Variants in ZFHX3 observed in about 807,000 individuals in gnomAD.
ZFHX3 encodes zinc finger homeobox 3.
ZFHX3 carries 42 observed loss-of-function variants against 279.1 expected under a neutral mutation model. The ratio of observed to expected loss-of-function variants is 0.15; its 90% CI spans 0.12 to 0.19. The LOEUF is 0.19. ZFHX3 is among the 10% of genes least tolerant of loss of function. ZFHX3 has a pLI of 1.00. For missense variants in ZFHX3, 4,981 were observed against 4,754.0 expected, an observed-to-expected ratio of 1.05 and a Z score of -1.40; for synonymous variants, 2,293 against 1,957.8, an observed-to-expected ratio of 1.17 and a Z score of -4.52.
chr16:73,187,342 A>ATT lies in ZFHX3; in HGVS notation c.-1103-43513_-1103-43512dup, dbSNP rs11437976. 3.4e-3 allele frequency among the ~76,000 whole-genome samples: 495 copies of ATT among 147,692 alleles called. 1 individual carries two copies. Among genetic ancestry groups the ATT allele is most frequent in the African/African-American group, 0.011 (426 of 40,248 alleles). On this transcript the variant is annotated intron_variant, in intron 5 of 17. Coordinates refer to the ZFHX3 transcript ENST00000641206. ...ATCTTTTCTCAGATAGTAAAGAGGG[A>ATT]TTTTTTTTTTTTTAAATTGGGCTGA...
chr16:73,819,080 G>A (rs1385393353), intron 1 of ZFHX3, among the ~76,000 whole-genome samples: 1 of 152,064 alleles, frequency 6.6e-6, no homozygotes, highest in African/African-American at 2.4e-5. Flanking sequence ...GGGGCACTGA[G>A]GTCAATGGTA....
At chr16:73,715,954 T>G (rs2053410443) in intron 1 of ZFHX3, among the ~76,000 whole-genome samples, 1 of 152,120 alleles carries the variant, frequency 6.6e-6, no homozygotes, top group African/African-American at 2.4e-5. Flanking sequence ...ACATCTTAAT[T>G]TTTTAAACAA....
At chr16:73,392,006 C>T (rs923129761) in intron 3 of ZFHX3, among the ~76,000 whole-genome samples, 2 of 152,082 alleles carry the variant, frequency 1.3e-5, no homozygotes, top group African/African-American at 2.4e-5. Context: ...ATGACAATAT[C>T]ACGATATTGG....
chr16:73,565,104 C>T (rs1355914742), intron 2 of ZFHX3, among the ~76,000 whole-genome samples: 7 of 152,024 alleles, frequency 4.6e-5, no homozygotes, highest in South Asian at 2.1e-4. Flanking sequence ...AATACAAACA[C>T]GTAGCTGGAT....
At chr16:72,994,703 G>A (rs376155217) in intron 1 of ZFHX3, among the ~76,000 whole-genome samples, 45 of 152,348 alleles carry the variant, frequency 3.0e-4, no homozygotes, top group African/African-American at 9.6e-4. Flanking sequence ...CCTAACACTT[G>A]TTTGTTGTAG....
At chr16:73,143,187 G>A (rs1222067183) in intron 6 of ZFHX3, among the ~76,000 whole-genome samples, 1 of 151,952 alleles carries the variant, frequency 6.6e-6, no homozygotes, top group African/African-American at 2.4e-5. Context: ...CTGGTTGGAC[G>A]GATCCCTTGA....
intron 3 of ZFHX3, among the ~76,000 whole-genome samples, chr16:73,438,967 G>A (rs977477304): frequency 2.0e-5 from 3 of 152,194 alleles, no homozygotes; most frequent in Non-Finnish European, 4.4e-5. Context: ...TGCACTGAGA[G>A]TGCAAACCTG....
intron 2 of ZFHX3, among the ~76,000 whole-genome samples, chr16:73,576,841 AAT>A (rs2051805263): frequency 1.3e-5 from 2 of 152,174 alleles, no homozygotes; most frequent in South Asian, 4.1e-4. Context: ...CCTAGTATCC[AAT>A]AGTTAGTTTT....
chr16:73,263,254 C>A (rs1427329094), intron 4 of ZFHX3, among the ~76,000 whole-genome samples: 1 of 151,682 alleles, frequency 6.6e-6, no homozygotes, highest in African/African-American at 2.4e-5. Flanking sequence ...AGAGGGCAGT[C>A]ACTACAGCCT....
chr16:73,069,178 A>G (rs1293653336), intron 8 of ZFHX3, among the ~76,000 whole-genome samples: 1 of 152,238 alleles, frequency 6.6e-6, no homozygotes, highest in African/African-American at 2.4e-5. Context: ...ATCCAATTAC[A>G]TAATGCTGCA....
intron 3 of ZFHX3, among the ~76,000 whole-genome samples, chr16:73,388,301 G>A (rs2016941779): frequency 6.6e-6 from 1 of 152,088 alleles, no homozygotes; most frequent in African/African-American, 2.4e-5. Flanking sequence ...GAAAAGGGAG[G>A]CATTTAGAAG....
In ZFHX3 at chr16:72,794,362, G is replaced by T. The variant is rs374538451; in HGVS notation, c.8320C>A (p.Pro2774Thr). 6.9e-6 allele frequency: 11 copies of T among 1,602,786 alleles called. No individual in the cohort carries two copies. The highest frequency in any genetic ancestry group is 9.4e-6 in the Non-Finnish European group (11 of 1,174,158). Residue 2774 changes from proline to threonine, a missense_variant, in exon 9 of 10, where the codon CCC (proline) becomes ACC (threonine). By Grantham distance (38) the Pro-to-Thr change is conservative (BLOSUM62 -1). Coordinates refer to ENST00000268489, the MANE Select transcript of ZFHX3 (RefSeq NM_006885.4). The surrounding 1 kb of genome is among the most constrained non-coding windows in gnomAD (Gnocchi z 4.2). ...IFDGTSFSHL[P>T]PSSSDGQGVP... Reference sequence around the variant, plus strand: ...CCCTGACCATCACTACTGCTTGGGGGTAGGTGGGAAAAGCTAGTTCCGTCA... The same window carrying T: ...CCCTGACCATCACTACTGCTTGGGGTTAGGTGGGAAAAGCTAGTTCCGTCA...
chr16:73,093,212 G>A (rs1432892904), intron 8 of ZFHX3: 1 of 519,532 alleles, frequency 1.9e-6, no homozygotes, highest in Non-Finnish European at 3.9e-6. Flanking sequence ...GCATGCAGAG[G>A]TAAGGGAATG....
intron 3 of ZFHX3, among the ~76,000 whole-genome samples, chr16:73,330,438 G>C (rs1437228557): frequency 6.6e-6 from 1 of 152,158 alleles, no homozygotes; most frequent in African/African-American, 2.4e-5. Flanking sequence ...GCAAAGTGAA[G>C]GCAACAATTC....
rs2144444366 is a variant in ZFHX3, at chr16:72,958,619, C to T, written c.1527G>A (p.Glu509=). Reference sequence around the variant, plus strand: ...TACTACCTGCTGCGGCCCCAGGCTCCTCATGGGGCCTGTCCTCCAGTTCCT... The same window carrying T: ...TACTACCTGCTGCGGCCCCAGGCTCTTCATGGGGCCTGTCCTCCAGTTCCT... ...LDEELEDRPH[E]EPGAAAGSSS... The change falls in exon 2 of 10, where the codon GAG becomes GAA. Residue 509 remains glutamate, a synonymous_variant. Transcript: ENST00000268489. 1 of 1,614,130 alleles carries T rather than the reference C, an allele frequency of 6.2e-7. No homozygotes were observed. The highest frequency in any genetic ancestry group is 8.5e-7 in the Non-Finnish European group (1 of 1,180,024).
intron 3 of ZFHX3, among the ~76,000 whole-genome samples, chr16:73,438,593 C>A (rs150589552): frequency 6.4e-4 from 97 of 152,322 alleles, no homozygotes; most frequent in African/African-American, 2.1e-3. Flanking sequence ...TATTACGCAT[C>A]TATGCATTGC....
chr16:73,461,919 C>T (rs371969862), intron 2 of ZFHX3, among the ~76,000 whole-genome samples: 3 of 152,216 alleles, frequency 2.0e-5, no homozygotes, highest in East Asian at 1.9e-4. Flanking sequence ...TGCTGGAATT[C>T]GGATAGGAAT....
chr16:73,760,456 G>A (rs1371876395), intron 1 of ZFHX3, among the ~76,000 whole-genome samples: 2 of 148,336 alleles, frequency 1.3e-5, no homozygotes, highest in African/African-American at 4.9e-5. Flanking sequence ...GCATCATCCT[G>A]ATACCAAAAG....
At chr16:73,056,631 G>C (rs549570463) in intron 1 of ZFHX3, among the ~76,000 whole-genome samples, 19 of 152,322 alleles carry the variant, frequency 1.2e-4, no homozygotes, top group Non-Finnish European at 4.4e-5. Flanking sequence ...TTGTTCCGGA[G>C]GGCAGGGCAG....
Sources: allele counts gnomAD v4.1 joint callset (sites outside exome capture counted in the v4.1 genomes callset), GRCh38; gene constraint gnomAD v4.1.1; non-coding constraint Gnocchi (gnomAD v3.1); transcripts MANE v1.5; gene names NCBI Gene and HGNC (gene_info 2026-07-23, HGNC 2026-07-21).